PKN2: variants seen among roughly 807,000 people sequenced by gnomAD.
PKN2 encodes the protein protein kinase N2, also known as serine/threonine-protein kinase N2.
PKN2 carries 38 observed loss-of-function variants against 119.1 expected under a neutral mutation model. The ratio of observed to expected loss-of-function variants is 0.32; its 90% CI spans 0.25 to 0.42. PKN2 has a LOEUF of 0.42. Among genes scored for constraint, PKN2 ranks in the 10% least tolerant of loss-of-function variants. PKN2 has a pLI of 1.00. For missense variants in PKN2, 850 were observed against 1,165.1 expected (o/e 0.73, Z 3.94); for synonymous variants, 390 against 384.9 (o/e 1.01, Z -0.15).
At chr1:88,712,156 A>G (rs911013911) in intron 1 of PKN2, among the ~76,000 whole-genome samples, 2 of 152,148 alleles carry the variant, frequency 1.3e-5, no homozygotes, top group African/African-American at 4.8e-5. Context: ...ATATGATCTG[A>G]ATACATTTTT....
intron 1 of PKN2, among the ~76,000 whole-genome samples, chr1:88,701,699 G>A (rs1033365452): frequency 6.6e-6 from 1 of 152,168 alleles, no homozygotes; most frequent in Non-Finnish European, 1.5e-5. Context: ...TGGGATTACT[G>A]TAACTGGTTT....
intron 6 of PKN2, among the ~76,000 whole-genome samples, chr1:88,778,805 C>T (rs1284583796): frequency 1.3e-5 from 2 of 152,120 alleles, no homozygotes; most frequent in African/African-American, 4.8e-5. Context: ...GCTCCGCCTC[C>T]TGGATTCACA....
chr1:88,724,404 A>C (rs537458661), intron 1 of PKN2, among the ~76,000 whole-genome samples: 2 of 152,128 alleles, frequency 1.3e-5, no homozygotes, highest in South Asian at 4.2e-4. Context: ...CTTGGTGCAA[A>C]TGTCTCTTGT....
chr1:88,769,261 C>T (rs1233252302), intron 3 of PKN2, among the ~76,000 whole-genome samples: 1 of 152,130 alleles, frequency 6.6e-6, no homozygotes, highest in East Asian at 1.9e-4. Flanking sequence ...AAGAAGGTCT[C>T]ATTTTTTGAC....
chr1:88,804,971 T>G (rs1318071990), intron 10 of PKN2, 50 bp downstream of exon 10: 1 of 873,028 alleles, frequency 1.1e-6, no homozygotes, highest in Non-Finnish European at 1.8e-6. Flanking sequence ...TCTTAAACAA[T>G]CTAATTACCA....
At chr1:88,742,447 G>A (rs1013783323) in intron 2 of PKN2, among the ~76,000 whole-genome samples, 15 of 151,986 alleles carry the variant, frequency 9.9e-5, no homozygotes, top group Non-Finnish European at 1.5e-5. Context: ...TTTCAACCTT[G>A]TAAGAATAAT....
intron 1 of PKN2, among the ~76,000 whole-genome samples, chr1:88,740,120 A>G: frequency 6.6e-6 from 1 of 152,238 alleles, no homozygotes; most frequent in East Asian, 1.9e-4. Flanking sequence ...GTGTATTTAG[A>G]TTATATGCAA....
intron 12 of PKN2, among the ~76,000 whole-genome samples, chr1:88,806,857 T>A (rs1041054597): frequency 6.6e-6 from 1 of 152,022 alleles, no homozygotes; most frequent in Non-Finnish European, 1.5e-5. Context: ...GTAGCTGGGA[T>A]TACAGGCATG....
chr1:88,807,354 T>C lies in PKN2; in HGVS notation c.1845T>C (p.Ser615=). Residue 615 remains serine (S), a synonymous_variant, in exon 13 of 22, where the codon AGT becomes AGC. Transcript: ENST00000370521. ...TVFDIQNDRN[S]ILPKSQSEYK... is the part of the protein sequence containing the mutation. ...TTGATATTCAGAATGACAGAAATAG[T>C]ATACTTCCAAAATCTCAATCTGAAT... 1 of 1,589,448 alleles carries C rather than the reference T, an allele frequency of 6.3e-7. No individual in the cohort carries two copies. The highest frequency in any genetic ancestry group is 8.6e-7 in the Non-Finnish European group (1 of 1,159,578).
chr1:88,752,572 T>TGCCAG (rs1669045827), intron 2 of PKN2, among the ~76,000 whole-genome samples: 1 of 152,154 alleles, frequency 6.6e-6, no homozygotes, highest in African/African-American at 2.4e-5. Context: ...CTTTATTTTG[T>TGCCAG]TCCACATAAT....
chr1:88,810,854 G>A lies in PKN2; in HGVS notation c.2103-2703G>A, dbSNP rs563168616. On this transcript the variant is annotated intron_variant, in intron 15 of 21. Transcript: ENST00000370521. ...ACTCCTGACCTCAGGTGATCCACCCGCCTCAGCCTCCCAAAGTGCTGGGAT... is the reference window on the plus strand; with the variant it reads ...ACTCCTGACCTCAGGTGATCCACCCACCTCAGCCTCCCAAAGTGCTGGGAT... Among the ~76,000 whole-genome samples the A allele has an allele frequency of 3.3e-5, 5 of 152,130 alleles. No homozygotes were observed. In the East Asian group the frequency reaches 5.8e-4, roughly 18 times the overall value.
At chr1:88,703,323 T>C (rs1299957135) in intron 1 of PKN2, among the ~76,000 whole-genome samples, 1 of 152,212 alleles carries the variant, frequency 6.6e-6, no homozygotes, top group African/African-American at 2.4e-5. Context: ...GATAGTTTTA[T>C]GATGTAAAGC....
At chr1:88,704,142 C>T (rs1398934906) in intron 1 of PKN2, among the ~76,000 whole-genome samples, 2 of 152,108 alleles carry the variant, frequency 1.3e-5, no homozygotes, top group African/African-American at 2.4e-5. Flanking sequence ...TTCTAATCTC[C>T]TCCTGTCATT....
At chr1:88,832,210 A>C (rs1183020667) in intron 19 of PKN2, among the ~76,000 whole-genome samples, 1 of 151,998 alleles carries the variant, frequency 6.6e-6, no homozygotes, top group Non-Finnish European at 1.5e-5. Context: ...TGACTTTAAA[A>C]TCCAAAGCAC....
At chr1:88,820,852 T>A (rs786920) in intron 16 of PKN2, among the ~76,000 whole-genome samples, 77,290 of 152,068 alleles carry the variant, frequency 0.51, 20,349 homozygotes, top group Middle Eastern at 0.7. Flanking sequence ...CTGAAGACAT[T>A]TGCATTTTTA....
At chr1:88,784,966 A>G in intron 7 of PKN2, 142 bp downstream of exon 7, 1 of 473,790 alleles carries the variant, frequency 2.1e-6, no homozygotes, top group Non-Finnish European at 3.6e-6. Flanking sequence ...CTGTGATGTC[A>G]GGAAACAAAA....
intron 8 of PKN2, among the ~76,000 whole-genome samples, chr1:88,790,205 T>C (rs1401186308): frequency 1.3e-5 from 2 of 152,350 alleles, no homozygotes; most frequent in East Asian, 3.9e-4. Flanking sequence ...CTCTTCTACA[T>C]TGGATCACTT....
At chr1:88,816,984 G>C (rs1672021108) in intron 16 of PKN2, 2 of 152,168 alleles carry the variant, frequency 1.3e-5, no homozygotes, top group African/African-American at 4.8e-5. Context: ...AGAGGAGCTG[G>C]TACCATTCCT....
At position 88,803,005 on chromosome 1, in the gene PKN2, T is replaced by A. The variant is rs914522284; in HGVS notation, c.1282-1386T>A. On this transcript the variant is annotated intron_variant, in intron 8 of 21. Coordinates refer to ENST00000370521, the MANE Select transcript of PKN2 (RefSeq NM_006256.4). ...CACAAAATAACTGCTTCCAAAATACTTAACACTTTTAACTTCAATAGAATA... is the reference window on the plus strand; with the variant it reads ...CACAAAATAACTGCTTCCAAAATACATAACACTTTTAACTTCAATAGAATA... 3.3e-5 allele frequency among the ~76,000 whole-genome samples: 5 copies of A among 152,204 alleles called. No individual in the cohort carries two copies. The South Asian group carries it at 6.2e-4, about 19-fold the overall frequency.
Sources: gnomAD v4.1 joint callset for allele counts (sites outside exome capture counted in the v4.1 genomes callset) on GRCh38, gnomAD v4.1.1 for gene constraint, MANE v1.5 for transcripts, NCBI Gene and HGNC (gene_info 2026-07-23, HGNC 2026-07-21) for gene names.